Variants in NELL2 observed in about 807,000 individuals in gnomAD.
NELL2 encodes neural EGFL like 2.
In NELL2, 41 loss-of-function variants were observed where a neutral mutation model predicts 109.6. That is an observed-to-expected ratio of 0.37 (90% CI 0.29 to 0.49). NELL2 has a LOEUF of 0.49. NELL2 is among the 20% of genes least tolerant of loss of function. The pLI is 0.98. For missense variants in NELL2, 900 were observed against 1,008.3 expected, an observed-to-expected ratio of 0.89 and a Z score of 1.45; for synonymous variants, 355 against 344.7, an observed-to-expected ratio of 1.03 and a Z score of -0.33.
chr12:44,564,781 G>T (rs909427198), intron 15 of NELL2, among the ~76,000 whole-genome samples: 11 of 152,052 alleles, frequency 7.2e-5, no homozygotes, highest in Non-Finnish European at 1.6e-4. Flanking sequence ...TCAGATTATG[G>T]TCTCACTTTT....
At chr12:44,862,069 T>C (rs749085582) in intron 2 of NELL2, among the ~76,000 whole-genome samples, 3 of 152,150 alleles carry the variant, frequency 2.0e-5, no homozygotes, top group Non-Finnish European at 4.4e-5. Flanking sequence ...TCCAAAACAA[T>C]TGTTTTAATG....
rs75907792 is a variant in NELL2, at chr12:44,697,917, T to C, written c.1318+5809A>G. Among the ~76,000 whole-genome samples the C allele has an allele frequency of 1.9e-3, 297 of 152,310 alleles. 8 individuals are homozygous for C. The East Asian group carries it at 0.051, about 26-fold the overall frequency. ...AAATCAAGGTGTTGACAGGATTGGT[T>C]CCTTCTGAGGGCTGTGAAGTACAAC... On this transcript the variant is annotated intron_variant, in intron 12 of 19. Transcript: ENST00000429094.
At chr12:44,849,877 AG>A (rs1181720188) in intron 2 of NELL2, among the ~76,000 whole-genome samples, 1 of 152,214 alleles carries the variant, frequency 6.6e-6, no homozygotes, top group Non-Finnish European at 1.5e-5. Context: ...AAGTGAAAAA[AG>A]CCAGGCACAA....
intron 2 of NELL2, among the ~76,000 whole-genome samples, chr12:44,841,206 C>T (rs10880696): frequency 0.37 from 56,893 of 152,020 alleles, 11,022 homozygotes; most frequent in South Asian, 0.58. Context: ...AAAATTGCTT[C>T]GACCTCCCTG....
chr12:44,688,920 G>A (rs1242485882), intron 12 of NELL2, among the ~76,000 whole-genome samples: 3 of 152,134 alleles, frequency 2.0e-5, no homozygotes, highest in Non-Finnish European at 2.9e-5. Flanking sequence ...TTTAACATTG[G>A]TGGCTAGTAA....
intron 2 of NELL2, among the ~76,000 whole-genome samples, chr12:44,830,593 C>T (rs79069881): frequency 0.01 from 1,565 of 152,242 alleles, 31 homozygotes; most frequent in East Asian, 0.048. Flanking sequence ...TCATGTCAGT[C>T]CCTGTCCTTG....
Position 44,679,611 on chromosome 12 carries a change from ATGCCT to A in NELL2, c.1319-14007_1319-14003del, listed in dbSNP as rs759205622. ...TTTGTGAAGTTGAGACGTTTCCCAA[ATGCCT>A]GCTTTAAGTTAGTGTCTGGTAAATC... On this transcript the variant is annotated intron_variant, in intron 12 of 19. Coordinates refer to ENST00000429094, the MANE Select transcript of NELL2 (RefSeq NM_001145108.2). Among the ~76,000 whole-genome samples the A allele has an allele frequency of 3.0e-4, 46 of 152,200 alleles. 1 individual carries two copies. In the East Asian group the frequency reaches 6.4e-3, roughly 21 times the overall value.
chr12:44,599,964 T>TTG, intron 15 of NELL2, among the ~76,000 whole-genome samples: 1 of 144,278 alleles, frequency 6.9e-6, no homozygotes, highest in Non-Finnish European at 1.5e-5. Flanking sequence ...AATTCCGTTT[T>TTG]TTTTTTTTTT....
chr12:44,673,815 T>C (rs192290849), intron 12 of NELL2, among the ~76,000 whole-genome samples: 6 of 152,304 alleles, frequency 3.9e-5, no homozygotes, highest in Admixed American at 3.3e-4. Flanking sequence ...CATGGTTCCT[T>C]GAAAACAAAA....
intron 12 of NELL2, among the ~76,000 whole-genome samples, chr12:44,675,428 C>G (rs914189977): frequency 2.0e-5 from 3 of 152,112 alleles, no homozygotes; most frequent in African/African-American, 7.2e-5. Flanking sequence ...ATTTAAAAAG[C>G]AAAAGTAAAC....
At chr12:44,736,247 G>A (rs1444136426) in intron 9 of NELL2, among the ~76,000 whole-genome samples, 10 of 151,776 alleles carry the variant, frequency 6.6e-5, no homozygotes, top group Admixed American at 6.6e-4. Flanking sequence ...CTGACCTCGT[G>A]ATCCGCCCGT....
intron 15 of NELL2, among the ~76,000 whole-genome samples, chr12:44,570,478 A>G (rs920935172): frequency 6.6e-6 from 1 of 152,210 alleles, no homozygotes; most frequent in African/African-American, 2.4e-5. Flanking sequence ...ATCGAAGCCG[A>G]TAATTCAGTA....
intron 15 of NELL2, among the ~76,000 whole-genome samples, chr12:44,560,033 C>T (rs1238396675): frequency 1.3e-5 from 2 of 152,172 alleles, no homozygotes; most frequent in African/African-American, 2.4e-5. Flanking sequence ...TCACTCGAAA[C>T]CACACAACTA....
chr12:44,520,575 GTGATATCT>G (rs1379023677), intron 18 of NELL2, among the ~76,000 whole-genome samples: 2 of 152,098 alleles, frequency 1.3e-5, no homozygotes, highest in African/African-American at 4.8e-5. Flanking sequence ...TTTTGCCCAT[GTGATATCT>G]TTTTCATTCT....
intron 2 of NELL2, among the ~76,000 whole-genome samples, chr12:44,855,540 T>G (rs910644916): frequency 6.6e-6 from 1 of 152,210 alleles, no homozygotes; most frequent in Non-Finnish European, 1.5e-5. Flanking sequence ...TGGCATAGTT[T>G]CCAAACCTTT....
intron 9 of NELL2, among the ~76,000 whole-genome samples, chr12:44,740,078 C>T (rs1939869983): frequency 6.6e-6 from 1 of 152,076 alleles, no homozygotes; most frequent in Non-Finnish European, 1.5e-5. Flanking sequence ...AACGTACATA[C>T]CACTATTCCA....
At chr12:44,916,838 C>T (rs1945832665), upstream of NELL2, among the ~76,000 whole-genome samples, 1 of 152,100 alleles carries the variant, frequency 6.6e-6, no homozygotes, top group African/African-American at 2.4e-5. Context: ...TCTCAAAGTC[C>T]TTCTATAATG....
chr12:44,713,562 C>T (rs1938332964), intron 10 of NELL2, among the ~76,000 whole-genome samples: 1 of 151,904 alleles, frequency 6.6e-6, no homozygotes, highest in Non-Finnish European at 1.5e-5. Context: ...CCTCTATTCT[C>T]TAAGATGAGA....
chr12:44,550,215 T>C (rs1565909484), intron 15 of NELL2, among the ~76,000 whole-genome samples: 1 of 152,080 alleles, frequency 6.6e-6, no homozygotes, highest in Admixed American at 6.6e-5. Context: ...TGGGCCCTTA[T>C]CTTAAAGCAT....
Sources: gnomAD v4.1 joint callset for allele counts (sites outside exome capture counted in the v4.1 genomes callset) on GRCh38, gnomAD v4.1.1 for gene constraint, MANE v1.5 for transcripts, NCBI Gene and HGNC (gene_info 2026-07-23, HGNC 2026-07-21) for gene names.